Variants in MECOM observed in about 807,000 individuals in gnomAD.
The protein encoded by MECOM is MDS1 and EVI1 complex locus, also known as histone-lysine N-methyltransferase MECOM.
In MECOM, 13 loss-of-function variants were observed where a neutral mutation model predicts 116.3. The observed-to-expected ratio is 0.11, with a 90% confidence interval of 0.07 to 0.18. The LOEUF is 0.18. MECOM is among the 10% of genes least tolerant of loss of function. The pLI, the probability that MECOM is intolerant of heterozygous loss-of-function variation, is 1.00. For missense variants in MECOM, 1,299 were observed against 1,509.0 expected (o/e 0.86, Z 2.31); for synonymous variants, 528 against 535.2 (o/e 0.99, Z 0.19).
At chr3:169,347,596 G>A (rs912209600) in intron 2 of MECOM, among the ~76,000 whole-genome samples, 2 of 151,978 alleles carry the variant, frequency 1.3e-5, no homozygotes, top group South Asian at 4.1e-4. Context: ...ATGAGGAGGA[G>A]TTAGAATTAA....
intron 1 of MECOM, among the ~76,000 whole-genome samples, chr3:169,542,362 G>A (rs9810562): frequency 0.017 from 2,537 of 151,130 alleles, 79 homozygotes; most frequent in African/African-American, 0.058. Context: ...TGAGCAATAC[G>A]ACTCCCCCCT....
chr3:169,424,270 A>G (rs1740271859), intron 1 of MECOM, among the ~76,000 whole-genome samples: 1 of 152,120 alleles, frequency 6.6e-6, no homozygotes, highest in South Asian at 2.1e-4. Flanking sequence ...AATTCCTACC[A>G]TGCAAAGACC....
At chr3:169,253,371 C>A (rs935602535) in intron 2 of MECOM, among the ~76,000 whole-genome samples, 11 of 148,786 alleles carry the variant, frequency 7.4e-5, no homozygotes, top group Non-Finnish European at 1.5e-4. Context: ...ATTTGTAAAA[C>A]AAGCCACTGC....
At chr3:169,552,047 A>C (rs1761463893) in intron 1 of MECOM, among the ~76,000 whole-genome samples, 1 of 149,356 alleles carries the variant, frequency 6.7e-6, no homozygotes, top group African/African-American at 2.6e-5. Context: ...GATAATGAGA[A>C]GTAACTGCTA....
chr3:169,514,769 A>G (rs1756420114), intron 1 of MECOM, among the ~76,000 whole-genome samples: 1 of 152,166 alleles, frequency 6.6e-6, no homozygotes, highest in African/African-American at 2.4e-5. Flanking sequence ...TAACCCCTGA[A>G]TGGGTTCAAG....
intron 2 of MECOM, among the ~76,000 whole-genome samples, chr3:169,191,846 G>GT (rs1747743095): frequency 6.6e-6 from 1 of 151,930 alleles, no homozygotes; most frequent in Admixed American, 6.6e-5. Context: ...AGAAACATAG[G>GT]TAAAAACACT....
rs1723365657 is a variant in MECOM, at chr3:169,100,965, GT to G, written c.2772-4del. 1 of 1,605,484 alleles carries G rather than the reference GT, an allele frequency of 6.2e-7. No individual in the cohort carries two copies. The highest frequency in any genetic ancestry group is 8.5e-7 in the Non-Finnish European group (1 of 1,174,376). ...TTGGAAAAATCTTGCCACAGTATCTGTTATGAAAAGATGTTTATAAGAGAAA... is the reference window on the plus strand; with the variant it reads ...TTGGAAAAATCTTGCCACAGTATCTGTATGAAAAGATGTTTATAAGAGAAA... On this transcript the variant is annotated splice_polypyrimidine_tract_variant and splice_region_variant and intron_variant, in intron 11 of 16. Coordinates refer to ENST00000651503, the MANE Select transcript of MECOM (RefSeq NM_004991.4).
chr3:169,227,402 T>C (rs1343747361), intron 2 of MECOM, among the ~76,000 whole-genome samples: 1 of 152,220 alleles, frequency 6.6e-6, no homozygotes, highest in Admixed American at 6.5e-5. Context: ...AATTTTGGTA[T>C]AATATCCTAT....
chr3:169,596,541 G>A (rs965289251), intron 1 of MECOM, among the ~76,000 whole-genome samples: 1 of 152,030 alleles, frequency 6.6e-6, no homozygotes, highest in Non-Finnish European at 1.5e-5. Context: ...TCTATTTTGC[G>A]TACAAGTGAT....
At chr3:169,165,543 T>C (rs1743447934) in intron 2 of MECOM, among the ~76,000 whole-genome samples, 1 of 152,190 alleles carries the variant, frequency 6.6e-6, no homozygotes, top group Non-Finnish European at 1.5e-5. Flanking sequence ...CTATTACATT[T>C]AGTGAGCTGT....
At chr3:169,358,760 G>A (rs938524158) in intron 2 of MECOM, among the ~76,000 whole-genome samples, 2 of 151,668 alleles carry the variant, frequency 1.3e-5, no homozygotes, top group Admixed American at 1.3e-4. Flanking sequence ...AGTTTTCCAG[G>A]AGAACTGCAT....
At chr3:169,472,156 A>G (rs1024030884) in intron 1 of MECOM, among the ~76,000 whole-genome samples, 3 of 152,070 alleles carry the variant, frequency 2.0e-5, no homozygotes, top group Non-Finnish European at 4.4e-5. Context: ...AATATCTCAT[A>G]TACCCAATAA....
At chr3:169,544,836 C>T (rs1760517874) in intron 1 of MECOM, among the ~76,000 whole-genome samples, 1 of 152,038 alleles carries the variant, frequency 6.6e-6, no homozygotes, top group African/African-American at 2.4e-5. Context: ...CACATGGACA[C>T]AGGGAGGGGA....
chr3:169,204,141 A>G (rs751231397), intron 2 of MECOM, among the ~76,000 whole-genome samples: 18 of 152,316 alleles, frequency 1.2e-4, no homozygotes, highest in Middle Eastern at 3.4e-3. Flanking sequence ...AACCAAGTCC[A>G]TCCATAGGGT....
chr3:169,349,977 A>G (rs1362003036), intron 2 of MECOM, among the ~76,000 whole-genome samples: 2 of 152,014 alleles, frequency 1.3e-5, no homozygotes, highest in Non-Finnish European at 2.9e-5. Context: ...CAATTAATAT[A>G]TCTACTTATA....
rs775918948 is a variant in MECOM at position 169,116,109 on chromosome 3, G to C, written c.1763C>G (p.Pro588Arg). The change falls in exon 8 of 17, where the codon CCA becomes CGA. Residue 588 changes from proline to arginine, a missense_variant. Around this residue, in one of 6 missense-constraint regions of MECOM, gnomAD observed 238 missense variants for 273.1 expected, o/e 0.87. Coordinates refer to ENST00000651503, the MANE Select transcript of MECOM (RefSeq NM_004991.4). ...ESSDLDDVST[P>R]SGSDLETTSG... ...GGTTGTTTCCAGGTCACTGCCACTT[G>C]GTGTACTGACATCATCAAGGTCACT... 8.1e-6 allele frequency: 13 copies of C among 1,613,962 alleles called. No homozygotes were observed. In the Admixed American group the frequency reaches 2.2e-4, roughly 27 times the overall value.
intron 2 of MECOM, among the ~76,000 whole-genome samples, chr3:169,295,660 C>T (rs887637759): frequency 3.9e-5 from 6 of 152,076 alleles, no homozygotes; most frequent in Non-Finnish European, 5.9e-5. Flanking sequence ...ATGTTACCTA[C>T]CTATCCTCAA....
intron 2 of MECOM, among the ~76,000 whole-genome samples, chr3:169,182,800 C>T (rs1356678177): frequency 6.6e-6 from 1 of 152,106 alleles, no homozygotes; most frequent in African/African-American, 2.4e-5. Context: ...TGAGAATTCA[C>T]TTCTCTGGAA....
At position 169,090,166 on chromosome 3, in the gene MECOM, C is replaced by T; in HGVS notation, c.3235G>A (p.Glu1079Lys). Reference protein sequence around the residue: ...TSQNSDLLDDEEVEDEVLLDE... With the variant: ...TSQNSDLLDDKEVEDEVLLDE... ...AACAACACCTCATCTTCAACTTCTTCATCATCCAGCAAGTCTGAATTTTGA... is the reference window on the plus strand; with the variant it reads ...AACAACACCTCATCTTCAACTTCTTTATCATCCAGCAAGTCTGAATTTTGA... The change falls in exon 15 of 17, where the codon GAA becomes AAA. Residue 1079 changes from glutamate (E) to lysine (K), a missense_variant. By Grantham distance (56) the Glu-to-Lys change is moderately conservative (BLOSUM62 1). Coordinates refer to ENST00000651503, the MANE Select transcript of MECOM (RefSeq NM_004991.4). 6.2e-7 allele frequency: 1 copy of T among 1,613,480 alleles called. No individual in the cohort carries two copies. The highest frequency in any genetic ancestry group is 8.5e-7 in the Non-Finnish European group (1 of 1,179,610).
Sources: gnomAD v4.1 joint callset for allele counts (sites outside exome capture counted in the v4.1 genomes callset) on GRCh38, gnomAD v4.1.1 for gene constraint, gnomAD v4.1.1 regional missense constraint, MANE v1.5 for transcripts, NCBI Gene and HGNC (gene_info 2026-07-23, HGNC 2026-07-21) for gene names.